Variants in PHTF2 observed in about 807,000 individuals in gnomAD.
PHTF2 encodes the protein putative homeodomain transcription factor 2, also known as protein PHTF2.
PHTF2 carries 60 observed loss-of-function variants against 101.2 expected under a neutral mutation model. The observed-to-expected ratio is 0.59, with a 90% confidence interval of 0.48 to 0.73. The LOEUF (loss-of-function observed/expected upper bound fraction) is 0.73, where lower values mean the gene tolerates loss of function less well. Among genes scored for constraint, PHTF2 ranks in the 30% least tolerant of loss-of-function variants. The pLI is 0.00. For synonymous variants in PHTF2, 311 were observed against 307.3 expected, an observed-to-expected ratio of 1.01 and a Z score of -0.13; for missense variants, 747 against 908.7, an observed-to-expected ratio of 0.82 and a Z score of 2.29.
intron 1 of PHTF2, among the ~76,000 whole-genome samples, chr7:77,830,518 A>G (rs1453320658): frequency 6.6e-6 from 1 of 152,190 alleles, no homozygotes; most frequent in Non-Finnish European, 1.5e-5. Flanking sequence ...CAGCAGCGGC[A>G]TTAGATTCTC....
chr7:77,880,755 G>T (rs1240303578), intron 3 of PHTF2, among the ~76,000 whole-genome samples: 2 of 152,162 alleles, frequency 1.3e-5, no homozygotes, highest in African/African-American at 4.8e-5. Flanking sequence ...GTGCTGAATT[G>T]TTCAGGAGAA....
At chr7:77,823,573 T>C (rs983779970) in intron 1 of PHTF2, among the ~76,000 whole-genome samples, 2 of 152,258 alleles carry the variant, frequency 1.3e-5, no homozygotes, top group Admixed American at 1.3e-4. Context: ...ATGGCTTATA[T>C]GTTCTCACAA....
chr7:77,859,197 T>A (rs1436751720), intron 3 of PHTF2, among the ~76,000 whole-genome samples: 1 of 152,224 alleles, frequency 6.6e-6, no homozygotes, highest in Non-Finnish European at 1.5e-5. Context: ...AGATCTTATC[T>A]TGAGATCCTT....
intron 3 of PHTF2, among the ~76,000 whole-genome samples, chr7:77,875,954 A>G (rs940466001): frequency 6.6e-6 from 1 of 152,190 alleles, no homozygotes; most frequent in Admixed American, 6.5e-5. Context: ...TATTAAATAT[A>G]TATTACTGCT....
chr7:77,921,924 A>G (rs1468076431), intron 10 of PHTF2, among the ~76,000 whole-genome samples: 3 of 151,688 alleles, frequency 2.0e-5, no homozygotes, highest in African/African-American at 7.3e-5. Flanking sequence ...GGGTCTTACA[A>G]TTGATGGCTT....
chr7:77,925,840 G>T (rs546265990), intron 11 of PHTF2, among the ~76,000 whole-genome samples: 1 of 151,950 alleles, frequency 6.6e-6, no homozygotes, highest in African/African-American at 2.4e-5. Flanking sequence ...GGCAGATCAC[G>T]AGGTCAAGAG....
intron 1 of PHTF2, among the ~76,000 whole-genome samples, chr7:77,837,942 G>A (rs760967688): frequency 1.6e-4 from 25 of 152,092 alleles, no homozygotes; most frequent in Non-Finnish European, 3.2e-4. Flanking sequence ...TAGGAAAGAG[G>A]ATCTTTATTT....
intron 3 of PHTF2, among the ~76,000 whole-genome samples, chr7:77,869,134 C>T (rs1340105312): frequency 6.6e-6 from 1 of 151,942 alleles, no homozygotes; most frequent in East Asian, 1.9e-4. Context: ...TTCATTTTTT[C>T]AGTTTTTAAA....
intron 12 of PHTF2, 125 bp downstream of exon 11, chr7:77,929,452 T>C: frequency 1.7e-6 from 1 of 596,042 alleles, no homozygotes; most frequent in Non-Finnish European, 3.0e-6. Flanking sequence ...TTTTTTCTTT[T>C]TATGTGAGCT....
intron 2 of PHTF2, among the ~76,000 whole-genome samples, chr7:77,844,286 G>A (rs1311088985): frequency 6.6e-6 from 1 of 151,806 alleles, no homozygotes; most frequent in African/African-American, 2.4e-5. Flanking sequence ...GAGCCACTGT[G>A]CCCAACCATA....
At chr7:77,820,344 T>C (rs1794184072) in intron 1 of PHTF2, among the ~76,000 whole-genome samples, 1 of 152,120 alleles carries the variant, frequency 6.6e-6, no homozygotes, top group African/African-American at 2.4e-5. Flanking sequence ...AGTTGTATGT[T>C]TTTTTGTTTT....
chr7:77,955,438 CA>C (rs1292792705), exon 20 of PHTF2: 1 of 152,534 alleles, frequency 6.6e-6, no homozygotes, highest in Non-Finnish European at 1.5e-5. Flanking sequence ...AACAGGTCAA[CA>C]AGTGCTCTTT....
At chr7:77,861,948 T>C (rs2150675827) in intron 3 of PHTF2, among the ~76,000 whole-genome samples, 1 of 151,878 alleles carries the variant, frequency 6.6e-6, no homozygotes, top group Admixed American at 6.6e-5. Flanking sequence ...TCCCAGCTAT[T>C]CAGGAGGCTG....
Position 77,945,320 on chromosome 7 carries a change from A to C in PHTF2, c.1959+2534A>C, listed in dbSNP as rs117395201. On this transcript the variant is annotated intron_variant, in intron 16 of 19. Transcript: ENST00000416283. ...GCCACTGTACTTCAGCCTGGGCAAC[A>C]GAAAGAGACTGTCTCCAAAAGGAAA... 2.4e-3 allele frequency among the ~76,000 whole-genome samples: 364 copies of C among 152,354 alleles called. 1 individual carries two copies. Among genetic ancestry groups the C allele is most frequent in the Non-Finnish European group, 3.9e-3 (265 of 68,032 alleles).
chr7:77,810,705 T>C lies in PHTF2; in HGVS notation c.-36+11734T>C, dbSNP rs912314781. Among the ~76,000 whole-genome samples, 72 of 150,928 alleles carry C rather than the reference T, an allele frequency of 4.8e-4. 1 individual carries two copies. The highest frequency in any genetic ancestry group is 7.7e-4 in the Non-Finnish European group (52 of 67,646). ...GGCACGTACCACTGCACCTGGCTAA[T>C]ATTTGTATTTTTAGTAGAGATGGGG... is the stretch of plus-strand genomic sequence containing the variant. On this transcript the variant is annotated intron_variant, in intron 1 of 19. Transcript: ENST00000416283.
intron 1 of PHTF2, among the ~76,000 whole-genome samples, chr7:77,825,003 A>C (rs1366592886): frequency 6.6e-6 from 1 of 152,112 alleles, no homozygotes; most frequent in Admixed American, 6.6e-5. Context: ...GTGCCACTGC[A>C]TTCCAGCCTG....
At chr7:77,802,207 G>A (rs1404004129) in intron 1 of PHTF2, among the ~76,000 whole-genome samples, 1 of 152,148 alleles carries the variant, frequency 6.6e-6, no homozygotes, top group African/African-American at 2.4e-5. Flanking sequence ...TAAAATGTAT[G>A]TGTGAAGGCC....
intron 1 of PHTF2, among the ~76,000 whole-genome samples, chr7:77,811,875 G>A (rs191017364): frequency 1.1e-4 from 17 of 152,104 alleles, no homozygotes; most frequent in East Asian, 9.7e-4. Context: ...ATATGTATAC[G>A]GATGAGTATA....
intron 1 of PHTF2, among the ~76,000 whole-genome samples, chr7:77,812,644 C>T (rs1388174530): frequency 2.0e-5 from 3 of 150,976 alleles, no homozygotes; most frequent in Non-Finnish European, 4.4e-5. Context: ...GGCTGGAGTG[C>T]AGTGGCACAA....
Sources: gnomAD v4.1 joint callset for allele counts (sites outside exome capture counted in the v4.1 genomes callset) on GRCh38, gnomAD v4.1.1 for gene constraint, MANE v1.5 for transcripts, NCBI Gene and HGNC (gene_info 2026-07-23, HGNC 2026-07-21) for gene names.